Variants in PAMR1 observed in about 807,000 individuals in gnomAD.
PAMR1 encodes inactive serine protease PAMR1.
Under a neutral mutation model 81.8 loss-of-function variants are expected in PAMR1, and 88 were observed. That is an observed-to-expected ratio of 1.08 (90% CI 0.91 to 1.28). The LOEUF is 1.28. PAMR1 is among the 50% of genes most tolerant of loss of function. PAMR1 has a pLI of 0.00. For synonymous variants in PAMR1, 336 were observed against 345.3 expected, an observed-to-expected ratio of 0.97 and a Z score of 0.30; for missense variants, 935 against 919.7, an observed-to-expected ratio of 1.02 and a Z score of -0.21.
intron 1 of PAMR1, among the ~76,000 whole-genome samples, chr11:35,515,139 G>T (rs781563446): frequency 6.6e-6 from 1 of 152,162 alleles, no homozygotes; most frequent in Non-Finnish European, 1.5e-5. Context: ...CAAGACCCAA[G>T]AATTCTACAA....
chr11:35,432,718 A>T lies in PAMR1; in HGVS notation c.1801T>A (p.Trp601Arg). ...FQESHITVAG[W>R]NVLADVRSPG... The stretch of plus-strand genomic sequence containing the variant: ...CTCCTCACGTCTGCCAGGACATTCC[A>T]GCCAGCCACAGTGATGTGGGACTCC... The change falls in exon 11 of 11, where the codon TGG becomes AGG. Residue 601 changes from tryptophan (W) to arginine (R), a missense_variant. Physicochemically the swap from Trp to Arg is moderately radical, Grantham distance 101. Transcript: ENST00000619888. 1 of 1,614,022 alleles carries T rather than the reference A, an allele frequency of 6.2e-7. No individual in the cohort carries two copies. Among genetic ancestry groups the T allele is most frequent in the South Asian group, 1.1e-5 (1 of 91,072 alleles).
At chr11:35,440,365 G>A (rs887937661) in intron 7 of PAMR1, among the ~76,000 whole-genome samples, 8 of 152,194 alleles carry the variant, frequency 5.3e-5, no homozygotes, top group Admixed American at 1.3e-4. Context: ...ATGTGACACC[G>A]TTCCCATACT....
chr11:35,479,964 G>C (rs965772914), intron 3 of PAMR1, among the ~76,000 whole-genome samples: 33 of 152,136 alleles, frequency 2.2e-4, no homozygotes, highest in African/African-American at 7.7e-4. Flanking sequence ...GGGCTCAGGT[G>C]TTCATCAGGA....
chr11:35,501,122 CCTT>C (rs1850828982), intron 1 of PAMR1, among the ~76,000 whole-genome samples: 1 of 144,204 alleles, frequency 6.9e-6, no homozygotes, highest in South Asian at 2.3e-4. Flanking sequence ...AATTTTATAA[CCTT>C]TTTTTTTCTT....
At chr11:35,513,861 T>C (rs1025678129) in intron 1 of PAMR1, among the ~76,000 whole-genome samples, 1 of 152,200 alleles carries the variant, frequency 6.6e-6, no homozygotes, top group African/African-American at 2.4e-5. Flanking sequence ...AATAAGCATA[T>C]TCCTTTGAAA....
At chr11:35,503,029 G>A (rs1000435003) in intron 1 of PAMR1, among the ~76,000 whole-genome samples, 11 of 152,080 alleles carry the variant, frequency 7.2e-5, no homozygotes, top group Non-Finnish European at 1.0e-4. Context: ...AAGAAATAAC[G>A]GTCAAGTTTC....
At chr11:35,480,057 T>C (rs1205715971) in intron 3 of PAMR1, among the ~76,000 whole-genome samples, 1 of 152,212 alleles carries the variant, frequency 6.6e-6, no homozygotes, top group Admixed American at 6.5e-5. Flanking sequence ...TTGAATTGTC[T>C]GCCTCCCCCA....
Position 35,434,640 on chromosome 11 carries a change from C to G in PAMR1, c.1498G>C (p.Val500Leu). 6.2e-7 allele frequency: 1 copy of G among 1,614,154 alleles called. No homozygotes were observed. Among genetic ancestry groups the G allele is most frequent in the Non-Finnish European group, 8.5e-7 (1 of 1,180,026 alleles). Reference protein sequence around the residue: ...SGALVNERTVVVAAHCVTDLG... With the variant: ...SGALVNERTVLVAAHCVTDLG... ...TCAGTAACACAGTGGGCAGCCACCA[C>G]CACAGTGCGCTCATTCACCAGGGCA... is the stretch of plus-strand genomic sequence containing the variant. Residue 500 changes from valine to leucine, a missense_variant, in exon 10 of 11, where the codon GTG (valine) becomes CTG (leucine). Transcript: ENST00000619888.
chr11:35,451,787 G>A (rs2135355517), intron 6 of PAMR1: 7 of 571,342 alleles, frequency 1.2e-5, no homozygotes, highest in Middle Eastern at 2.6e-4. Flanking sequence ...CCTCATGAAC[G>A]AGATTAGTGA....
chr11:35,472,944 G>T (rs1850215145), intron 4 of PAMR1, among the ~76,000 whole-genome samples: 1 of 152,104 alleles, frequency 6.6e-6, no homozygotes, highest in Non-Finnish European at 1.5e-5. Context: ...AGATTTTAAA[G>T]GCTCCCTGCA....
chr11:35,511,049 G>A (rs1049596009), intron 1 of PAMR1, among the ~76,000 whole-genome samples: 8 of 152,202 alleles, frequency 5.3e-5, no homozygotes, highest in Admixed American at 3.9e-4. Flanking sequence ...AATGAGAATA[G>A]CAAGTCATTG....
At chr11:35,461,439 C>T (rs768789525) in intron 6 of PAMR1, among the ~76,000 whole-genome samples, 10 of 152,078 alleles carry the variant, frequency 6.6e-5, no homozygotes, top group Non-Finnish European at 1.0e-4. Flanking sequence ...GCAAAATACA[C>T]CCCTTATGTC....
intron 1 of PAMR1, among the ~76,000 whole-genome samples, chr11:35,520,739 T>C (rs1292314628): frequency 6.6e-6 from 1 of 152,142 alleles, no homozygotes; most frequent in African/African-American, 2.4e-5. Flanking sequence ...ATCATGGAAA[T>C]GGCACTTTTC....
intron 9 of PAMR1, among the ~76,000 whole-genome samples, chr11:35,435,506 A>G (rs1856021364): frequency 6.6e-6 from 1 of 152,134 alleles, no homozygotes; most frequent in Non-Finnish European, 1.5e-5. Flanking sequence ...CCGGTGCCCA[A>G]TCTAATACCT....
At chr11:35,524,712 C>T (rs534224843) in intron 1 of PAMR1, among the ~76,000 whole-genome samples, 5 of 152,296 alleles carry the variant, frequency 3.3e-5, no homozygotes, top group Admixed American at 3.3e-4. Flanking sequence ...ATGACGTTCC[C>T]ACTTCCCCGC....
chr11:35,458,546 T>A (rs1856583135), intron 6 of PAMR1, among the ~76,000 whole-genome samples: 1 of 152,092 alleles, frequency 6.6e-6, no homozygotes, highest in African/African-American at 2.4e-5. Context: ...ATGAGCTGGG[T>A]TTTGGAGCTA....
chr11:35,490,551 T>C (rs1045664432), intron 3 of PAMR1, among the ~76,000 whole-genome samples: 6 of 152,140 alleles, frequency 3.9e-5, no homozygotes, highest in African/African-American at 1.4e-4. Context: ...ACTTGAGAGG[T>C]TGAATCAGGA....
intron 3 of PAMR1, 46 bp downstream of exon 3, chr11:35,491,999 T>G: frequency 6.5e-7 from 1 of 1,547,846 alleles, no homozygotes; most frequent in Non-Finnish European, 8.7e-7. Context: ...GCTGAGACTT[T>G]AAGACAGTGT....
At chr11:35,528,705 T>G (rs2135433896), upstream of PAMR1, among the ~76,000 whole-genome samples, 1 of 152,314 alleles carries the variant, frequency 6.6e-6, no homozygotes, top group East Asian at 1.9e-4. Context: ...ACAAACCTGT[T>G]TGGCTATTTG....
Sources: gnomAD v4.1 joint callset for allele counts (sites outside exome capture counted in the v4.1 genomes callset) on GRCh38, gnomAD v4.1.1 for gene constraint, MANE v1.5 for transcripts, NCBI Gene and HGNC (gene_info 2026-07-23, HGNC 2026-07-21) for gene names.